KCNC4: variants seen among roughly 807,000 people sequenced by gnomAD.
KCNC4 encodes the protein voltage-gated potassium channel KCNC4.
KCNC4 carries 23 observed loss-of-function variants against 42.8 expected under a neutral mutation model. The ratio of observed to expected loss-of-function variants is 0.54; its 90% CI spans 0.39 to 0.76. KCNC4 has a LOEUF of 0.76. KCNC4 is among the 30% of genes least tolerant of loss of function. KCNC4 has a pLI of 0.00. For missense variants in KCNC4, 751 were observed against 898.2 expected, an observed-to-expected ratio of 0.84 and a Z score of 2.10; for synonymous variants, 422 against 393.5, an observed-to-expected ratio of 1.07 and a Z score of -0.86.
chr1:110,212,169 G>A lies in KCNC4; in HGVS notation c.670G>A (p.Ala224Thr). The change falls in exon 1 of 4, where the codon GCC (alanine) becomes ACC (threonine). Residue 224 changes from alanine to threonine, a missense_variant. By Grantham distance (58) the Ala-to-Thr change is moderately conservative (BLOSUM62 0). Coordinates refer to ENST00000438661, the MANE Select transcript of KCNC4 (RefSeq NM_001039574.3). ...CTTCGAGGATCCCTACTCCTCCCGG[G>A]CCGCTAGGGTGAGTGGCAGGAGCCC... ...ALFEDPYSSR[A>T]ARVVAFASLF... 4 of 1,494,856 alleles carry A rather than the reference G, an allele frequency of 2.7e-6. No individual in the cohort carries two copies. The highest frequency in any genetic ancestry group is 3.5e-6 in the Non-Finnish European group (4 of 1,139,258). 92.6% of individuals were successfully genotyped at this position (1,494,856 alleles called of 1,614,324 possible). A position where few individuals can be genotyped will look rare whatever the true frequency, so the allele number is the denominator to read the frequency against.
rs1368499496 is a variant in KCNC4 at position 110,210,971 on chromosome 1, G to C, written c.-529G>C. Among the ~76,000 whole-genome samples the C allele has an allele frequency of 6.6e-6, 1 of 152,204 alleles. No individual in the cohort carries two copies. Among genetic ancestry groups the C allele is most frequent in the East Asian group, 1.9e-4 (1 of 5,168 alleles). ...GCCCACGGAGCTCCGGCTGCCGTGA[G>C]AGTGTCGGCCTGGCCCCGGCAGCCG... On this transcript the variant is annotated 5_prime_UTR_variant, in exon 1 of 4. Coordinates refer to ENST00000438661, the MANE Select transcript of KCNC4 (RefSeq NM_001039574.3).
downstream of KCNC4, among the ~76,000 whole-genome samples, chr1:110,250,244 G>C (rs559579164): frequency 6.6e-6 from 1 of 152,072 alleles, no homozygotes; most frequent in Non-Finnish European, 1.5e-5. Flanking sequence ...CCAGCCAGAA[G>C]TCCAGACAGA....
intron 3 of KCNC4, among the ~76,000 whole-genome samples, chr1:110,230,770 T>C (rs917611422): frequency 1.3e-4 from 20 of 152,194 alleles, no homozygotes; most frequent in African/African-American, 4.8e-4. Context: ...CTGAGTAGAC[T>C]GTCTGCCCTT....
chr1:110,251,250 T>C (rs982481888), downstream of KCNC4, among the ~76,000 whole-genome samples: 3 of 152,204 alleles, frequency 2.0e-5, no homozygotes, highest in African/African-American at 7.2e-5. Context: ...GTGTCCCTAC[T>C]CAAATCTCAT....
At chr1:110,265,402 TAAAATA>T (rs1452701235) in intron 1 of KCNC4, among the ~76,000 whole-genome samples, 4 of 110,464 alleles carry the variant, frequency 3.6e-5, no homozygotes, top group Non-Finnish European at 6.7e-5. Flanking sequence ...TAAAATAAAA[TAAAATA>T]AAATAAAATA....
At position 110,229,611 on chromosome 1, in the gene KCNC4, A is replaced by G. The variant is rs142206953; in HGVS notation, c.1820-3300A>G. Among the ~76,000 whole-genome samples, 495 of 152,292 alleles carry G rather than the reference A, an allele frequency of 3.3e-3. 3 individuals are homozygous for G. Among genetic ancestry groups the G allele is most frequent in the African/African-American group, 0.011 (440 of 41,556 alleles). The stretch of plus-strand genomic sequence containing the variant: ...CTCTGCGCTCTGTATTCCTGCCAGA[A>G]CCGGAGACTCATCTAATTTCTATAA... On this transcript the variant is annotated intron_variant, in intron 3 of 3. Transcript: ENST00000438661.
At chr1:110,213,170 TA>T (rs760587471) in intron 1 of KCNC4, among the ~76,000 whole-genome samples, 7,390 of 50,472 alleles carry the variant, frequency 0.15, 235 homozygotes, top group Middle Eastern at 0.18. Context: ...CTTCGACAGC[TA>T]AAAAAAAAAA....
exon 4 of KCNC4, chr1:110,239,361 C>T (rs1658979242): frequency 6.6e-6 from 1 of 152,276 alleles, no homozygotes; most frequent in African/African-American, 2.4e-5. Flanking sequence ...CCCACCCCAC[C>T]TCCTTCTCTT....
At position 110,210,575 on chromosome 1, in the gene KCNC4, C is replaced by T. The variant is rs1169137517; in HGVS notation, c.-925C>T. Among the ~76,000 whole-genome samples, 1 of 151,594 alleles carries T rather than the reference C, an allele frequency of 6.6e-6. No homozygotes were observed. Among genetic ancestry groups the T allele is most frequent in the Admixed American group, 6.6e-5 (1 of 15,224 alleles). On this transcript the variant is annotated 5_prime_UTR_variant, in exon 1 of 4. Transcript: ENST00000438661. ...CGCGGCCCGGGAAGCCTGCAGGTGT[C>T]CTTGGCCGCTCGGCCGCCGCCCCCG...
Position 110,211,537 on chromosome 1 carries a change from G to C in KCNC4, c.38G>C (p.Arg13Pro). 1 of 1,614,026 alleles carries C rather than the reference G, an allele frequency of 6.2e-7. No homozygotes were observed. Residue 13 changes from arginine (R) to proline (P), a missense_variant, in exon 1 of 4, where the codon CGC becomes CCC. By Grantham distance (103) the Arg-to-Pro change is moderately radical (BLOSUM62 -2). This residue lies in a region of KCNC4 where 183 missense variants were observed against 255.8 expected (regional missense o/e 0.72). Transcript: ENST00000438661. The surrounding 1 kb of genome is among the most constrained non-coding windows in gnomAD (Gnocchi z 6.5). ...GTGTGTGTCTCCTCCTACCGCGGGC[G>C]CAAGTCGGGGAACAAGCCTCCGTCC... ...SSVCVSSYRG[R>P]KSGNKPPSKT...
chr1:110,223,327 G>T lies in KCNC4; in HGVS notation c.1042G>T (p.Val348Leu), dbSNP rs1383051884. Residue 348 changes from valine to leucine, a missense_variant, in exon 2 of 4, where the codon GTG becomes TTG. Around this residue, in one of 4 missense-constraint regions of KCNC4, gnomAD observed 185 missense variants for 293.7 expected, o/e 0.63. Transcript: ENST00000438661. The surrounding 1 kb of genome is among the most constrained non-coding windows in gnomAD (Gnocchi z 7.5). ...CCGCGACGTGCTGGGCTTCCTGCGC[G>T]TGGTGCGCTTCGTGCGCATCCTGCG... ...AARDVLGFLRVVRFVRILRIF... is the reference protein window; with the variant it reads ...AARDVLGFLRLVRFVRILRIF... 1 of 1,613,948 alleles carries T rather than the reference G, an allele frequency of 6.2e-7. No individual in the cohort carries two copies. Among genetic ancestry groups the T allele is most frequent in the Non-Finnish European group, 8.5e-7 (1 of 1,179,994 alleles).
chr1:110,262,083 C>T (rs1438570918), intron 1 of KCNC4, among the ~76,000 whole-genome samples: 7 of 152,140 alleles, frequency 4.6e-5, no homozygotes, highest in African/African-American at 1.7e-4. Flanking sequence ...GGATTGGAAA[C>T]AAAATTTTCT....
intron 3 of KCNC4, among the ~76,000 whole-genome samples, chr1:110,230,297 A>G (rs1557863378): frequency 2.0e-5 from 3 of 152,214 alleles, no homozygotes; most frequent in Non-Finnish European, 4.4e-5. Context: ...ACTGCCCTTC[A>G]GGAGGGAGCA....
At chr1:110,278,916 C>T (rs756722372) in intron 1 of KCNC4, among the ~76,000 whole-genome samples, 2 of 152,180 alleles carry the variant, frequency 1.3e-5, no homozygotes, top group Non-Finnish European at 2.9e-5. Context: ...CAGCATGCCA[C>T]TCAGGGGCCC....
chr1:110,232,998 GCAGA>G lies in KCNC4; in HGVS notation c.*35_*38del, dbSNP rs1232844411. On this transcript the variant is annotated 3_prime_UTR_variant, in exon 4 of 4. Transcript: ENST00000438661. Reference sequence around the variant, plus strand: ...AGCGGCACCAACGTGAGAGAGACAGGCAGACAGACAGAAAGCCAGAGGCTTAGGG... The same window carrying G: ...AGCGGCACCAACGTGAGAGAGACAGGCAGACAGAAAGCCAGAGGCTTAGGG... The G allele has an allele frequency of 5.0e-6, 8 of 1,605,518 alleles. No homozygotes were observed. Among genetic ancestry groups the G allele is most frequent in the African/African-American group, 4.0e-5 (3 of 74,676 alleles).
chr1:110,210,430 C>G lies in KCNC4; in HGVS notation c.-1070C>G, dbSNP rs1024645321. On this transcript the variant is annotated 5_prime_UTR_variant, in exon 1 of 4. Coordinates refer to ENST00000438661, the MANE Select transcript of KCNC4 (RefSeq NM_001039574.3). ...GCCACCTCGCGCCCGCCCCCTGCCG[C>G]GCGCGAGCCAAGGCCGGCGCCCCGC... Among the ~76,000 whole-genome samples the G allele has an allele frequency of 6.6e-6, 1 of 151,456 alleles. No individual in the cohort carries two copies. Among genetic ancestry groups the G allele is most frequent in the Admixed American group, 6.6e-5 (1 of 15,226 alleles).
At chr1:110,244,925 T>C (rs1659112292) in exon 4 of KCNC4, 1 of 152,232 alleles carries the variant, frequency 6.6e-6, no homozygotes, top group South Asian at 2.1e-4. Flanking sequence ...CTCAGCGGGT[T>C]CTCATAAAGC....
intron 3 of KCNC4, among the ~76,000 whole-genome samples, chr1:110,228,124 C>T (rs139115482): frequency 7.2e-5 from 11 of 152,298 alleles, no homozygotes; most frequent in South Asian, 2.1e-4. Flanking sequence ...CGTACCGTGC[C>T]GCACTTCTCC....
rs1409514555 is a variant in KCNC4 at position 110,223,744 on chromosome 1, A to C, written c.1459A>C (p.Lys487Gln). The C allele has an allele frequency of 6.2e-7, 1 of 1,614,112 alleles. No individual in the cohort carries two copies. Reference sequence around the variant, plus strand: ...CTACTCCCTGGCCATGGCCAAGCAGAAGCTGCCCAAGAAACGGAAGAAGCA... The same window carrying C: ...CTACTCCCTGGCCATGGCCAAGCAGCAGCTGCCCAAGAAACGGAAGAAGCA... Reference protein sequence around the residue: ...MYYSLAMAKQKLPKKRKKHVP... With the variant: ...MYYSLAMAKQQLPKKRKKHVP... The change falls in exon 2 of 4, where the codon AAG becomes CAG. Residue 487 changes from lysine (K) to glutamine (Q), a missense_variant. By Grantham distance (53) the Lys-to-Gln change is moderately conservative. Transcript: ENST00000438661. This position sits in a 1 kb window ranked among gnomAD's most constrained non-coding sequence, Gnocchi z 7.5.
Sources: gnomAD v4.1 joint callset for allele counts (sites outside exome capture counted in the v4.1 genomes callset) on GRCh38, gnomAD v4.1.1 for gene constraint, gnomAD v4.1.1 regional missense constraint, Gnocchi (gnomAD v3.1) non-coding constraint, MANE v1.5 for transcripts, NCBI Gene and HGNC (gene_info 2026-07-23, HGNC 2026-07-21) for gene names.